Variants in SOS1 observed in about 807,000 individuals in gnomAD.
SOS1 encodes the protein son of sevenless homolog 1.
SOS1 carries 25 observed loss-of-function variants against 157.6 expected under a neutral mutation model. That is an observed-to-expected ratio of 0.16 (90% confidence interval 0.12 to 0.22). SOS1 has a LOEUF of 0.22. Among genes scored for constraint, SOS1 ranks in the 10% least tolerant of loss-of-function variants. SOS1 has a pLI of 1.00. For missense variants in SOS1, 1,237 were observed against 1,599.1 expected (o/e 0.77, Z 3.86); for synonymous variants, 528 against 534.0 (o/e 0.99, Z 0.16).
intron 1 of SOS1, among the ~76,000 whole-genome samples, chr2:39,072,404 T>C (rs777577319): frequency 1.6e-4 from 24 of 152,164 alleles, no homozygotes; most frequent in South Asian, 4.1e-4. Flanking sequence ...AAAGGTGTGA[T>C]GGTAAGACTA....
At chr2:38,996,676 T>TA (rs1322558684) in intron 19 of SOS1, among the ~76,000 whole-genome samples, 3 of 152,030 alleles carry the variant, frequency 2.0e-5, no homozygotes, top group East Asian at 3.8e-4. Flanking sequence ...TTTTTTGGGG[T>TA]AAAAAAAATT....
intron 15 of SOS1, among the ~76,000 whole-genome samples, chr2:39,008,560 G>A (rs980521377): frequency 6.6e-6 from 1 of 152,212 alleles, no homozygotes; most frequent in Non-Finnish European, 1.5e-5. Flanking sequence ...TGTAGGCAGA[G>A]TAGTTTGCAG....
At chr2:39,012,634 C>A (rs1346393449) in intron 13 of SOS1, among the ~76,000 whole-genome samples, 1 of 152,002 alleles carries the variant, frequency 6.6e-6, no homozygotes, top group Non-Finnish European at 1.5e-5. Flanking sequence ...ACTGTCCATC[C>A]CATTGTTCTG....
chr2:39,054,576 A>G, intron 5 of SOS1, 38 bp downstream of exon 5: 1 of 1,178,376 alleles, frequency 8.5e-7, no homozygotes, highest in Non-Finnish European at 1.3e-6. Context: ...AAATTTCACA[A>G]CACATTCAAT....
intron 8 of SOS1, among the ~76,000 whole-genome samples, chr2:39,034,417 A>G (rs1441506307): frequency 6.6e-6 from 1 of 152,226 alleles, no homozygotes; most frequent in East Asian, 1.9e-4. Context: ...ATGATACTAA[A>G]CAGAAGTTTT....
At chr2:39,077,822 A>G (rs947764625) in intron 1 of SOS1, among the ~76,000 whole-genome samples, 1 of 152,230 alleles carries the variant, frequency 6.6e-6, no homozygotes, top group African/African-American at 2.4e-5. Context: ...GATCAAGTAC[A>G]TAACGGTGAT....
chr2:39,013,318 A>C, intron 13 of SOS1, 142 bp downstream of exon 13: 1 of 655,854 alleles, frequency 1.5e-6, no homozygotes, highest in South Asian at 1.7e-5. Flanking sequence ...CTATTTGATG[A>C]AAATTTTTAA....
At chr2:38,994,872 T>C (rs1225095818) in intron 20 of SOS1, among the ~76,000 whole-genome samples, 1 of 152,230 alleles carries the variant, frequency 6.6e-6, no homozygotes, top group Admixed American at 6.5e-5. Context: ...AAATTTAAGC[T>C]GCCAATTTTA....
chr2:39,109,615 T>C (rs148890268), intron 1 of SOS1, among the ~76,000 whole-genome samples: 129 of 152,272 alleles, frequency 8.5e-4, no homozygotes, highest in African/African-American at 2.6e-3. Context: ...ATATAAAGAG[T>C]TGTCTTTGAA....
intron 1 of SOS1, among the ~76,000 whole-genome samples, chr2:39,099,226 G>A (rs1282302819): frequency 6.6e-6 from 1 of 152,198 alleles, no homozygotes. Context: ...GAATGTATAA[G>A]CAAAATGTAG....
At chr2:39,040,462 T>C (rs1003988193) in intron 6 of SOS1, among the ~76,000 whole-genome samples, 4 of 152,194 alleles carry the variant, frequency 2.6e-5, no homozygotes, top group Admixed American at 6.5e-5. Flanking sequence ...ACTGAAACTC[T>C]GTATCCATTA....
At chr2:39,073,952 C>G (rs370657014) in intron 1 of SOS1, among the ~76,000 whole-genome samples, 3 of 152,170 alleles carry the variant, frequency 2.0e-5, no homozygotes, top group African/African-American at 4.8e-5. Context: ...AATCAAATCT[C>G]TTTCTTAGTG....
chr2:39,035,331 A>AT lies in SOS1; in HGVS notation c.976-22dup, dbSNP rs371246542. On this transcript the variant is annotated intron_variant, in intron 7 of 22. Coordinates refer to ENST00000402219, the MANE Select transcript of SOS1 (RefSeq NM_005633.4). ...ATTGACTGGAAAAAAAAGTGATTTA[A>AT]TTTTTTTTTTAAGTTTACTTTTCAG... 1,853 of 1,546,686 alleles carry AT rather than the reference A, an allele frequency of 1.2e-3. 3 individuals carry two copies. Among genetic ancestry groups the AT allele is most frequent in the African/African-American group, 4.7e-3 (348 of 73,372 alleles).
At chr2:39,119,609 G>C (rs1238904546) in intron 1 of SOS1, among the ~76,000 whole-genome samples, 2 of 152,164 alleles carry the variant, frequency 1.3e-5, no homozygotes, top group East Asian at 3.8e-4. Context: ...AAAAACGTAA[G>C]AACACTTCCT....
At chr2:39,108,092 C>A (rs1245292521) in intron 1 of SOS1, among the ~76,000 whole-genome samples, 1 of 152,174 alleles carries the variant, frequency 6.6e-6, no homozygotes, top group African/African-American at 2.4e-5. Flanking sequence ...CACTTAGACA[C>A]CTCAGTCAGA....
intron 8 of SOS1, among the ~76,000 whole-genome samples, chr2:39,029,036 C>G (rs1218284644): frequency 6.6e-6 from 1 of 152,108 alleles, no homozygotes; most frequent in African/African-American, 2.4e-5. Context: ...GGCTTTTGCT[C>G]CTGTTTGCCA....
chr2:39,087,615 A>G (rs533592769), intron 1 of SOS1, among the ~76,000 whole-genome samples: 15 of 152,346 alleles, frequency 9.8e-5, no homozygotes, highest in Admixed American at 3.9e-4. Flanking sequence ...GAAAATGGCA[A>G]TTATCACCAC....
chr2:39,058,213 C>T (rs1407358564), intron 3 of SOS1, among the ~76,000 whole-genome samples: 2 of 152,008 alleles, frequency 1.3e-5, no homozygotes, highest in Non-Finnish European at 2.9e-5. Flanking sequence ...GACTGACTGA[C>T]TTATTTACAT....
In SOS1 at chr2:39,022,574, G is replaced by A. The variant is rs727505181; in HGVS notation, c.1854C>T (p.Tyr618=). 5.5e-5 allele frequency: 88 copies of A among 1,611,390 alleles called. 1 individual carries two copies. The highest frequency in any genetic ancestry group is 3.3e-4 in the Middle Eastern group (2 of 6,078). Residue 618 remains tyrosine, a synonymous_variant, in exon 10 of 23, where the codon TAC becomes TAT. Coordinates refer to ENST00000402219, the MANE Select transcript of SOS1 (RefSeq NM_005633.4). ...AGGCAACTGCATAATTCTTACCTGC[G>A]TACATATGGTACGTAAGCCTCTCTA... ...KLIERLTYHM[Y]ADPNFVRTFL... is the part of the protein sequence containing the mutation.
Sources: allele counts gnomAD v4.1 joint callset (sites outside exome capture counted in the v4.1 genomes callset), GRCh38; gene constraint gnomAD v4.1.1; transcripts MANE v1.5; gene names NCBI Gene and HGNC (gene_info 2026-07-23, HGNC 2026-07-21).